Variants in TNFRSF13B observed in about 807,000 individuals in gnomAD.
TNFRSF13B encodes the protein tumor necrosis factor receptor superfamily member 13B.
A neutral mutation model predicts 24.0 loss-of-function variants in TNFRSF13B; 34 were observed. The observed-to-expected ratio is 1.41, with a 90% confidence interval of 1.08 to 1.88. The LOEUF is 1.88. TNFRSF13B is among the 40% of genes most tolerant of loss of function. The probability of loss-of-function intolerance (pLI) is 0.00; values close to 1 mark genes in which losing one functional copy is unlikely to be tolerated. For synonymous variants in TNFRSF13B, 173 were observed against 150.3 expected (o/e 1.15, Z -1.10); for missense variants, 415 against 380.8 (o/e 1.09, Z -0.75).
chr17:16,969,920 C>T (rs901042382), intron 1 of TNFRSF13B, among the ~76,000 whole-genome samples: 4 of 152,134 alleles, frequency 2.6e-5, no homozygotes, highest in African/African-American at 4.8e-5. Context: ...CACCACCCGC[C>T]GCATATCACC....
chr17:16,940,832 C>T (rs528158800), intron 3 of TNFRSF13B: 322 of 1,265,704 alleles, frequency 2.5e-4, no homozygotes, highest in East Asian at 4.4e-4. Flanking sequence ...GACGAACAGA[C>T]GATGCTCCAG....
chr17:16,959,758 C>A (rs2087649071), intron 1 of TNFRSF13B, among the ~76,000 whole-genome samples: 1 of 152,086 alleles, frequency 6.6e-6, no homozygotes, highest in South Asian at 2.1e-4. Flanking sequence ...TAGAAATACA[C>A]AATCTACCAA....
chr17:16,948,927 A>C lies in TNFRSF13B; in HGVS notation c.256T>G (p.Cys86Gly). ...CCACAGATGGAGGCACAGCTGATGC[A>C]GTCCCTCAGGAGATGGTCATAGAAC... ...GKFYDHLLRD[C>G]ISCASICGQH... Residue 86 changes from cysteine (C) to glycine (G), a missense_variant, in exon 3 of 5, where the codon TGC (cysteine) becomes GGC (glycine). By Grantham distance (159) the Cys-to-Gly change is radical. Coordinates refer to ENST00000261652, the MANE Select transcript of TNFRSF13B (RefSeq NM_012452.3). 6.2e-7 allele frequency: 1 copy of C among 1,614,228 alleles called. No homozygotes were observed. Among genetic ancestry groups the C allele is most frequent in the Non-Finnish European group, 8.5e-7 (1 of 1,180,030 alleles).
At chr17:16,970,316 A>G (rs2087734918) in intron 1 of TNFRSF13B, among the ~76,000 whole-genome samples, 1 of 151,956 alleles carries the variant, frequency 6.6e-6, no homozygotes. Flanking sequence ...GGCCGCCACA[A>G]ATTTGGATGC....
chr17:16,952,601 T>C lies in TNFRSF13B; in HGVS notation c.62-18A>G. The C allele has an allele frequency of 6.2e-7, 1 of 1,613,966 alleles. No individual in the cohort carries two copies. Among genetic ancestry groups the C allele is most frequent in the South Asian group, 1.1e-5 (1 of 91,058 alleles). On this transcript the variant is annotated intron_variant, in intron 1 of 4. Transcript: ENST00000261652. ...CTGTGGAACTGAGAGACCAGGAGAG[T>C]GAGGGCAGCTGGCAGGCGGCCACAG... is the stretch of plus-strand genomic sequence containing the variant.
chr17:16,949,379 T>C (rs1298006656), intron 2 of TNFRSF13B, among the ~76,000 whole-genome samples: 1 of 152,112 alleles, frequency 6.6e-6, no homozygotes, highest in Non-Finnish European at 1.5e-5. Flanking sequence ...TCAAGCCTCA[T>C]CAAGGAGAAA....
chr17:16,966,430 G>A (rs1350517886), intron 1 of TNFRSF13B, among the ~76,000 whole-genome samples: 4 of 152,162 alleles, frequency 2.6e-5, no homozygotes, highest in Admixed American at 1.3e-4. Flanking sequence ...AGAAAAATGG[G>A]CAAAGGTCAT....
chr17:16,962,527 GAAAA>G (rs956755733), intron 1 of TNFRSF13B, among the ~76,000 whole-genome samples: 3 of 142,406 alleles, frequency 2.1e-5, no homozygotes, highest in African/African-American at 7.8e-5. Context: ...AAAAAAGAAA[GAAAA>G]AAAAAAGAAA....
intron 1 of TNFRSF13B, among the ~76,000 whole-genome samples, chr17:16,956,359 A>G (rs1282191437): frequency 6.6e-6 from 1 of 152,214 alleles, no homozygotes; most frequent in Non-Finnish European, 1.5e-5. Context: ...AAAAAATATT[A>G]CAAAGCATAC....
In TNFRSF13B at chr17:16,939,571, G is replaced by A; in HGVS notation, c.858C>T (p.Ala286=). The change falls in exon 5 of 5, where the codon GCC becomes GCT. Residue 286 remains alanine (A), a synonymous_variant. Coordinates refer to ENST00000261652, the MANE Select transcript of TNFRSF13B (RefSeq NM_012452.3). ...DSGLGIVCVP[A]QEGGPGA is the part of the protein sequence containing the mutation. ...TTTATGCACCTGGGCCCCCCTCCTG[G>A]GCAGGCACACACACAATGCCAAGGC... The A allele has an allele frequency of 6.2e-7, 1 of 1,612,898 alleles. No homozygotes were observed. The highest frequency in any genetic ancestry group is 8.5e-7 in the Non-Finnish European group (1 of 1,179,532).
intron 1 of TNFRSF13B, among the ~76,000 whole-genome samples, chr17:16,953,316 T>G (rs1473584002): frequency 6.6e-6 from 1 of 152,268 alleles, no homozygotes; most frequent in Non-Finnish European, 1.5e-5. Flanking sequence ...GTCAATTTCC[T>G]TCTTGTTTTC....
chr17:16,942,195 C>CGTT (rs1175828697), intron 3 of TNFRSF13B, among the ~76,000 whole-genome samples: 1 of 152,120 alleles, frequency 6.6e-6, no homozygotes, highest in East Asian at 1.9e-4. Context: ...CAGCATCTGC[C>CGTT]GTTCACACTC....
At chr17:16,969,318 C>T (rs1160831571) in intron 1 of TNFRSF13B, among the ~76,000 whole-genome samples, 4 of 152,156 alleles carry the variant, frequency 2.6e-5, no homozygotes, top group Non-Finnish European at 4.4e-5. Context: ...GTCCATCCAC[C>T]GATGACTGGA....
At chr17:16,959,881 A>G (rs1176475845) in intron 1 of TNFRSF13B, among the ~76,000 whole-genome samples, 2 of 152,252 alleles carry the variant, frequency 1.3e-5, no homozygotes, top group African/African-American at 4.8e-5. Flanking sequence ...GAATTCTACC[A>G]AAACATTTAA....
chr17:16,955,586 C>T (rs2087619244), intron 1 of TNFRSF13B, among the ~76,000 whole-genome samples: 1 of 152,212 alleles, frequency 6.6e-6, no homozygotes, highest in South Asian at 2.1e-4. Flanking sequence ...AGGACATTGG[C>T]TCCAGACTGA....
chr17:16,966,264 A>C (rs538746086), intron 1 of TNFRSF13B, among the ~76,000 whole-genome samples: 4 of 150,634 alleles, frequency 2.7e-5, no homozygotes, highest in East Asian at 1.9e-4. Flanking sequence ...AAAAAAAAAA[A>C]CACCAAAAAA....
intron 3 of TNFRSF13B, chr17:16,940,838 T>C: frequency 4.8e-6 from 6 of 1,253,292 alleles, no homozygotes; most frequent in Non-Finnish European, 6.1e-6. Flanking sequence ...CAGACGATGC[T>C]CCAGGGAGCA....
intron 1 of TNFRSF13B, among the ~76,000 whole-genome samples, chr17:16,959,135 T>G (rs66847673): frequency 0.12 from 18,805 of 152,020 alleles, 1,274 homozygotes; most frequent in East Asian, 0.22. Flanking sequence ...TCTTTTCTGA[T>G]CATAGTGGTA....
chr17:16,959,617 A>G (rs73291185), intron 1 of TNFRSF13B, among the ~76,000 whole-genome samples: 14 of 152,172 alleles, frequency 9.2e-5, no homozygotes, highest in African/African-American at 3.4e-4. Flanking sequence ...GATGACTCAT[A>G]TTATTAAAAT....
Sources: gnomAD v4.1 joint callset for allele counts (sites outside exome capture counted in the v4.1 genomes callset) on GRCh38, gnomAD v4.1.1 for gene constraint, MANE v1.5 for transcripts, NCBI Gene and HGNC (gene_info 2026-07-23, HGNC 2026-07-21) for gene names.